ZZEF1: variants seen among roughly 807,000 people sequenced by gnomAD.
ZZEF1 encodes zinc finger ZZ-type and EF-hand domain-containing protein 1.
Under a neutral mutation model 342.8 loss-of-function variants are expected in ZZEF1, and 157 were observed. The ratio of observed to expected loss-of-function variants is 0.46; its 90% CI spans 0.40 to 0.52. The LOEUF is 0.52. Among genes scored for constraint, ZZEF1 ranks in the 20% least tolerant of loss-of-function variants. The pLI, the probability that ZZEF1 is intolerant of heterozygous loss-of-function variation, is 0.00. For missense variants in ZZEF1, 3,480 were observed against 3,725.6 expected (o/e 0.93, Z 1.72); for synonymous variants, 1,505 against 1,429.1 (o/e 1.05, Z -1.20).
intron 34 of ZZEF1, among the ~76,000 whole-genome samples, chr17:4,052,384 T>C (rs918843068): frequency 6.6e-6 from 1 of 152,224 alleles, no homozygotes; most frequent in African/African-American, 2.4e-5. Context: ...GACTGCTGTT[T>C]GGTGGAAACA....
intron 32 of ZZEF1, chr17:4,056,613 T>A (rs1012100025): frequency 4.9e-6 from 1 of 204,560 alleles, no homozygotes; most frequent in Non-Finnish European, 9.7e-6. Flanking sequence ...ATAATTCCAC[T>A]GGACAATCAT....
Position 4,095,943 on chromosome 17 carries a change from C to T in ZZEF1, c.1801G>A (p.Val601Met). ...RGGIGAQCGL[V>M]FAYNSSSDKF... The stretch of plus-strand genomic sequence containing the variant: ...TCTGAAGATGAGTTATAGGCAAACA[C>T]CAACCCACACTGGGCACCAATGCCA... Residue 601 changes from valine (V) to methionine (M), a missense_variant, in exon 11 of 55, where the codon GTG becomes ATG. Val to Met is a conservative substitution (Grantham distance 21). Transcript: ENST00000381638. The T allele has an allele frequency of 6.2e-7, 1 of 1,613,118 alleles. No homozygotes were observed. Among genetic ancestry groups the T allele is most frequent in the Non-Finnish European group, 8.5e-7 (1 of 1,179,322 alleles).
chr17:4,022,053 G>A (rs890302186), intron 44 of ZZEF1, among the ~76,000 whole-genome samples: 3 of 151,962 alleles, frequency 2.0e-5, no homozygotes, highest in African/African-American at 7.3e-5. Context: ...TTAATATGTT[G>A]TAGCACATTT....
At position 4,088,972 on chromosome 17, in the gene ZZEF1, GGGAA is replaced by G. The variant is rs2145373996; in HGVS notation, c.2026-83_2026-80del. ...ATTAAAGAGGGAAAAAGGCCTTTCCGGGAAGGTCTTCCTATGATTTTCGTAATTT... is the reference window on the plus strand; with the variant it reads ...ATTAAAGAGGGAAAAAGGCCTTTCCGGGTCTTCCTATGATTTTCGTAATTT... On this transcript the variant is annotated intron_variant, in intron 12 of 54. Transcript: ENST00000381638. The G allele has an allele frequency of 3.6e-6, 5 of 1,379,416 alleles. No individual in the cohort carries two copies. The Admixed American group carries it at 1.0e-4, about 28-fold the overall frequency. The allele number at this position is 1,379,416 out of a possible 1,614,324, so 85.4% of individuals were successfully genotyped here. A position where few individuals can be genotyped will look rare whatever the true frequency, so the allele number is the denominator to read the frequency against.
rs530510900 is a variant in ZZEF1 at position 4,019,697 on chromosome 17, C to T, written c.7477G>A (p.Asp2493Asn). The T allele has an allele frequency of 2.4e-5, 38 of 1,612,942 alleles. No homozygotes were observed. The highest frequency in any genetic ancestry group is 1.7e-4 in the Middle Eastern group (1 of 5,996). The change falls in exon 46 of 55, where the codon GAT becomes AAT. Residue 2493 changes from aspartate (D) to asparagine (N), a missense_variant. This residue lies in a region of ZZEF1 where 1,269 missense variants were observed against 1,342.4 expected (regional missense o/e 0.95). Coordinates refer to ENST00000381638, the MANE Select transcript of ZZEF1 (RefSeq NM_015113.4). ...AIYELQMKKT[D>N]YFFLEVQKRF... is the part of the protein sequence containing the mutation. ...TTCTGAACCTCCAGGAAGAAATAAT[C>T]GGTCTTTTTCATCTGCAGTTCGTAT...
chr17:4,137,427 G>A lies in ZZEF1; in HGVS notation c.354+5115C>T, dbSNP rs371868490. Reference sequence around the variant, plus strand: ...AGATCGAGACCATCCTGGCTAACACGGTGAAACCCCGTCTCTTACTAAAAA... The same window carrying A: ...AGATCGAGACCATCCTGGCTAACACAGTGAAACCCCGTCTCTTACTAAAAA... On this transcript the variant is annotated intron_variant, in intron 1 of 54. Transcript: ENST00000381638. 4.8e-4 allele frequency among the ~76,000 whole-genome samples: 73 copies of A among 152,182 alleles called. No homozygotes were observed. In the East Asian group the frequency reaches 8.3e-3, roughly 17 times the overall value.
intron 1 of ZZEF1, among the ~76,000 whole-genome samples, chr17:4,127,493 T>C (rs1567865468): frequency 6.6e-6 from 1 of 152,000 alleles, no homozygotes; most frequent in South Asian, 2.1e-4. Context: ...CAGGGGGCGG[T>C]TTAGAACAAA....
rs1000015306 is a variant in ZZEF1, at chr17:4,017,053, G to A, written c.8001+318C>T. 4 of 325,922 alleles carry A rather than the reference G, an allele frequency of 1.2e-5. No individual in the cohort carries two copies. The highest frequency in any genetic ancestry group is 8.5e-5 in the African/African-American group (4 of 47,304). 20.2% of individuals were successfully genotyped at this position (325,922 alleles called of 1,614,324 possible). On this transcript the variant is annotated intron_variant, in intron 48 of 54. Transcript: ENST00000381638. The surrounding 1 kb of genome is among the most constrained non-coding windows in gnomAD (Gnocchi z 5.1). ...AAATGAACTTCCTCATGGACTGCGT[G>A]TGTGTGTGTGAAGGTGGGTGAGGGA...
intron 6 of ZZEF1, among the ~76,000 whole-genome samples, chr17:4,108,600 A>G (rs2058248927): frequency 6.6e-6 from 1 of 152,224 alleles, no homozygotes; most frequent in African/African-American, 2.4e-5. Flanking sequence ...ATGTACACCA[A>G]TGTGGATTTC....
chr17:4,110,006 T>C, intron 5 of ZZEF1, 143 bp from the exon 6 acceptor site: 2 of 694,706 alleles, frequency 2.9e-6, no homozygotes, highest in South Asian at 3.8e-5. Context: ...AAATAGCATG[T>C]GCAATGGAAC....
At position 4,117,133 on chromosome 17, in the gene ZZEF1, C is replaced by G; in HGVS notation, c.533G>C (p.Gly178Ala). Residue 178 changes from glycine to alanine, a missense_variant, in exon 3 of 55, where the codon GGC becomes GCC. Transcript: ENST00000381638. ...TATCATTGACGAGTGAATATCAAGG[C>G]CCTCCTTCGACTCTGAAAATATGTC... ...FTDIFSESKE[G>A]LDIHSSMILR... The G allele has an allele frequency of 6.2e-6, 10 of 1,613,574 alleles. No homozygotes were observed. The highest frequency in any genetic ancestry group is 7.6e-6 in the Non-Finnish European group (9 of 1,179,668).
At position 4,017,722 on chromosome 17, in the gene ZZEF1, A is replaced by C; in HGVS notation, c.7650T>G (p.Pro2550=). The C allele has an allele frequency of 1.2e-6, 2 of 1,611,922 alleles. No individual in the cohort carries two copies. The highest frequency in any genetic ancestry group is 1.7e-6 in the Non-Finnish European group (2 of 1,178,924). The change falls in exon 48 of 55, where the codon CCT becomes CCG. Residue 2550 remains proline (P), a synonymous_variant. Coordinates refer to ENST00000381638, the MANE Select transcript of ZZEF1 (RefSeq NM_015113.4). The surrounding 1 kb of genome is among the most constrained non-coding windows in gnomAD (Gnocchi z 5.1). ...CAGCAGTGGCTTGGTCACAGCGTGCAGGCCGGGACTGCAAACCCAAGACCA... is the reference window on the plus strand; with the variant it reads ...CAGCAGTGGCTTGGTCACAGCGTGCCGGCCGGGACTGCAAACCCAAGACCA... ...DMIILPCLSR[P]ARCDQATAES...
intron 39 of ZZEF1, among the ~76,000 whole-genome samples, chr17:4,036,574 A>C (rs1184162470): frequency 2.0e-5 from 3 of 151,950 alleles, no homozygotes; most frequent in Non-Finnish European, 2.9e-5. Context: ...ATCTCTACTA[A>C]TACAAAAATT....
intron 37 of ZZEF1, among the ~76,000 whole-genome samples, chr17:4,047,739 G>A (rs539560886): frequency 2.2e-4 from 34 of 151,702 alleles, no homozygotes; most frequent in Non-Finnish European, 4.3e-4. Flanking sequence ...TCAGAAGATC[G>A]AGACCAACCT....
chr17:4,082,123 A>G (rs1304618557), intron 17 of ZZEF1, among the ~76,000 whole-genome samples: 1 of 152,172 alleles, frequency 6.6e-6, no homozygotes, highest in Non-Finnish European at 1.5e-5. Flanking sequence ...AGCTGGTTTT[A>G]ACGTGACACG....
chr17:4,069,959 C>T (rs2057477498), intron 26 of ZZEF1, among the ~76,000 whole-genome samples: 1 of 152,240 alleles, frequency 6.6e-6, no homozygotes, highest in Non-Finnish European at 1.5e-5. Flanking sequence ...GGTTAGGAAG[C>T]CCATGCCTTA....
intron 13 of ZZEF1, among the ~76,000 whole-genome samples, 189 bp from the exon 14 acceptor site, chr17:4,087,723 A>G (rs1220901894): frequency 2.6e-5 from 4 of 151,972 alleles, no homozygotes; most frequent in African/African-American, 9.7e-5. Flanking sequence ...GAAACTTTCT[A>G]AAATATATGT....
Position 4,016,764 on chromosome 17 carries a change from G to A in ZZEF1, c.8002-298C>T, listed in dbSNP as rs1028896677. The stretch of plus-strand genomic sequence containing the variant: ...CCTTGAAGGAGTCCCCAGCCAAGCA[G>A]GTGGATTGGCCTATGGATAAATAAT... On this transcript the variant is annotated intron_variant, in intron 48 of 54. Coordinates refer to ENST00000381638, the MANE Select transcript of ZZEF1 (RefSeq NM_015113.4). This position sits in a 1 kb window ranked among gnomAD's most constrained non-coding sequence, Gnocchi z 4.4. The A allele has an allele frequency of 6.3e-6, 2 of 318,770 alleles. No homozygotes were observed. Among genetic ancestry groups the A allele is most frequent in the Non-Finnish European group, 5.8e-6 (1 of 173,458 alleles). The allele number at this position is 318,770 out of a possible 1,614,324, so 19.7% of individuals were successfully genotyped here.
Position 4,016,097 on chromosome 17 carries a change from T to C in ZZEF1, c.8145+226A>G, listed in dbSNP as rs1430705735. Among the ~76,000 whole-genome samples the C allele has an allele frequency of 2.6e-5, 4 of 152,168 alleles. No individual in the cohort carries two copies. The highest frequency in any genetic ancestry group is 5.9e-5 in the Non-Finnish European group (4 of 68,024). On this transcript the variant is annotated intron_variant, in intron 49 of 54. Transcript: ENST00000381638. The surrounding 1 kb of genome is among the most constrained non-coding windows in gnomAD (Gnocchi z 4.4). ...GGGCTAGGTGGCCCATTTTCTTCTATTAAAACAAGAAAAGTCCGGAGAAGA... is the reference window on the plus strand; with the variant it reads ...GGGCTAGGTGGCCCATTTTCTTCTACTAAAACAAGAAAAGTCCGGAGAAGA...
Sources: allele counts gnomAD v4.1 joint callset (sites outside exome capture counted in the v4.1 genomes callset), GRCh38; gene constraint gnomAD v4.1.1; regional missense constraint gnomAD v4.1.1; non-coding constraint Gnocchi (gnomAD v3.1); transcripts MANE v1.5; gene names NCBI Gene and HGNC (gene_info 2026-07-23, HGNC 2026-07-21).